The following ERAP2 variants were observed in gnomAD, a reference collection of about 807,000 sequenced individuals.
ERAP2 encodes the protein leukocyte-derived arginine aminopeptidase.
Under a neutral mutation model 111.1 loss-of-function variants are expected in ERAP2, and 118 were observed. That is an observed-to-expected ratio of 1.06 (90% CI 0.92 to 1.24). The LOEUF (loss-of-function observed/expected upper bound fraction) is 1.24. ERAP2 is among the 50% of genes most tolerant of loss of function. The probability of loss-of-function intolerance (pLI) is 0.00; values close to 1 mark genes in which losing one functional copy is unlikely to be tolerated. For missense variants in ERAP2, 1,131 were observed against 1,125.8 expected (o/e 1.00, Z -0.07); for synonymous variants, 410 against 401.2 (o/e 1.02, Z -0.26).
chr5:96,886,308 T>C (rs1783703322), intron 3 of ERAP2, among the ~76,000 whole-genome samples: 1 of 152,254 alleles, frequency 6.6e-6, no homozygotes, highest in Non-Finnish European at 1.5e-5. Context: ...GGTATTTTAC[T>C]TAAAAGCACA....
intron 5 of ERAP2, among the ~76,000 whole-genome samples, chr5:96,891,322 C>A (rs144496157): frequency 6.6e-6 from 1 of 150,740 alleles, no homozygotes; most frequent in African/African-American, 2.4e-5. Context: ...GTAAACCATG[C>A]GCATACATTT....
Position 96,915,675 on chromosome 5 carries a change from T to C in ERAP2, c.2658-13T>C, listed in dbSNP as rs761031717. 9.3e-6 allele frequency: 14 copies of C among 1,500,832 alleles called. No homozygotes were observed. In the African/African-American group the frequency reaches 1.4e-4, roughly 15 times the overall value. 93.0% of individuals were successfully genotyped at this position (1,500,832 alleles called of 1,614,324 possible). ...TTTCTATGACTTTCTATGGTGTTTC[T>C]TTTTATTTTCAGATTTGACTTGGGC... On this transcript the variant is annotated splice_polypyrimidine_tract_variant and intron_variant, in intron 17 of 18. Coordinates refer to ENST00000437043, the MANE Select transcript of ERAP2 (RefSeq NM_022350.5).
intron 13 of ERAP2, among the ~76,000 whole-genome samples, chr5:96,907,490 T>G (rs1318902287): frequency 1.3e-5 from 2 of 152,236 alleles, no homozygotes; most frequent in East Asian, 3.8e-4. Flanking sequence ...ATATCATTTC[T>G]GCCTATTGCT....
intron 7 of ERAP2, 109 bp from the exon 8 acceptor site, chr5:96,896,264 A>G (rs1036952579): frequency 1.2e-6 from 1 of 839,506 alleles, no homozygotes; most frequent in East Asian, 2.8e-5. Flanking sequence ...CCCAAGAAAT[A>G]TCGATTGAAA....
intron 11 of ERAP2, 55 bp downstream of exon 11, chr5:96,901,736 T>C: frequency 6.5e-7 from 1 of 1,550,296 alleles, no homozygotes; most frequent in Non-Finnish European, 8.8e-7. Flanking sequence ...TCCTCGTTAT[T>C]TCCTTAGCTT....
chr5:96,881,581 A>ATT, intron 2 of ERAP2: 1 of 436,640 alleles, frequency 2.3e-6, no homozygotes, highest in South Asian at 1.6e-5. Flanking sequence ...ACAGGGGCAT[A>ATT]TTTTTCTCAT....
chr5:96,880,477 G>T (rs1179578279), intron 2 of ERAP2, among the ~76,000 whole-genome samples: 2 of 152,186 alleles, frequency 1.3e-5, no homozygotes, highest in South Asian at 4.1e-4. Context: ...TGAATAACTA[G>T]GAGGAGAGGC....
At chr5:96,905,510 A>G (rs1785963255) in intron 13 of ERAP2, among the ~76,000 whole-genome samples, 1 of 152,228 alleles carries the variant, frequency 6.6e-6, no homozygotes, top group Non-Finnish European at 1.5e-5. Context: ...CATAATAGAT[A>G]AAAATAAATA....
chr5:96,892,577 TA>T, intron 6 of ERAP2, 124 bp downstream of exon 6: 1 of 1,102,916 alleles, frequency 9.1e-7, no homozygotes, highest in Non-Finnish European at 1.3e-6. Context: ...TAGAGACTAC[TA>T]AACCTAACAC....
intron 14 of ERAP2, 141 bp downstream of exon 14, chr5:96,909,258 T>C (rs1183178399): frequency 1.6e-5 from 12 of 766,162 alleles, no homozygotes; most frequent in South Asian, 3.6e-5. Context: ...TAATGGTCAA[T>C]GACCCTTGTT....
chr5:96,886,185 A>G (rs11135484), intron 3 of ERAP2, among the ~76,000 whole-genome samples: 83,440 of 151,930 alleles, frequency 0.55, 22,947 homozygotes, highest in Admixed American at 0.6. Context: ...TCACACCCAC[A>G]TAACAGGATT....
chr5:96,911,866 C>CAAAAAAAAAAAAAAA, intron 15 of ERAP2, among the ~76,000 whole-genome samples: 21 of 56,348 alleles, frequency 3.7e-4, no homozygotes, highest in South Asian at 7.3e-4. Context: ...GACCCTGTCT[C>CAAAAAAAAAAAAAAA]AAAAAAAAAA....
At chr5:96,895,173 T>A in intron 6 of ERAP2, 73 bp from the exon 7 acceptor site, 1 of 826,030 alleles carries the variant, frequency 1.2e-6, no homozygotes, top group African/African-American at 2.3e-5. Flanking sequence ...AGTTAGTAAC[T>A]ATTGTATTTT....
intron 12 of ERAP2, 150 bp from the exon 13 acceptor site, chr5:96,903,227 G>T: frequency 1.7e-6 from 1 of 580,886 alleles, no homozygotes. Flanking sequence ...AAATCATCCA[G>T]TGAACTACGA....
At position 96,918,151 on chromosome 5, in the gene ERAP2, C is replaced by T. The variant is rs963869657; in HGVS notation, c.*546C>T. The T allele has an allele frequency of 6.6e-6, 1 of 152,210 alleles. No individual in the cohort carries two copies. Among genetic ancestry groups the T allele is most frequent in the Non-Finnish European group, 1.5e-5 (1 of 68,052 alleles). 9.4% of individuals were successfully genotyped at this position (152,210 alleles called of 1,614,324 possible). The stretch of plus-strand genomic sequence containing the variant: ...TGGTGGGGGAAGGCCAGTTCAGTAT[C>T]CTATTTAAAAGTAAACTTCCTGAAT... On this transcript the variant is annotated 3_prime_UTR_variant, in exon 19 of 19. Transcript: ENST00000437043.
chr5:96,896,449 C>G lies in ERAP2; in HGVS notation c.1316C>G (p.Pro439Arg). 6.2e-7 allele frequency: 1 copy of G among 1,613,554 alleles called. No homozygotes were observed. The highest frequency in any genetic ancestry group is 8.5e-7 in the Non-Finnish European group (1 of 1,179,658). ...SLNSSRPISKPAETPTQIQEM... is the reference protein window; with the variant it reads ...SLNSSRPISKRAETPTQIQEM... ...AATTCATCCCGCCCTATCTCCAAAC[C>G]AGCGGAAACCCCGACTCAAATACAG... The change falls in exon 8 of 19, where the codon CCA (proline) becomes CGA (arginine). Residue 439 changes from proline (P) to arginine (R), a missense_variant. Pro to Arg is a moderately radical substitution (Grantham distance 103, BLOSUM62 -2). Transcript: ENST00000437043.
At position 96,919,642 on chromosome 5, in the gene ERAP2, GATA is replaced by G. The variant is rs1358950293; in HGVS notation, c.*2041_*2043del. Reference sequence around the variant, plus strand: ...GAAAGTAGCAATTTTATTATTTGATGATAATATGAGAATTACTGTGCCAATACT... The same window carrying G: ...GAAAGTAGCAATTTTATTATTTGATGATATGAGAATTACTGTGCCAATACT... On this transcript the variant is annotated 3_prime_UTR_variant, in exon 19 of 19. Coordinates refer to ENST00000437043, the MANE Select transcript of ERAP2 (RefSeq NM_022350.5). 9.9e-5 allele frequency: 15 copies of G among 152,068 alleles called. No individual in the cohort carries two copies. Among genetic ancestry groups the G allele is most frequent in the Admixed American group, 6.5e-4 (10 of 15,268 alleles). 9.4% of individuals were successfully genotyped at this position (152,068 alleles called of 1,614,324 possible).
rs752046082 is a variant in ERAP2 at position 96,879,886 on chromosome 5, AAGGCTCCCC to A, written c.204_212del (p.Arg68_Pro70del). The A allele has an allele frequency of 6.2e-7, 1 of 1,614,162 alleles. No homozygotes were observed. Among genetic ancestry groups the A allele is most frequent in the East Asian group, 2.2e-5 (1 of 44,882 alleles). On this transcript the variant is annotated inframe_deletion, in exon 2 of 19. Coordinates refer to ENST00000437043, the MANE Select transcript of ERAP2 (RefSeq NM_022350.5). ...GGGAACGATTTCCTTGGCAGGAGCT[AAGGCTCCCC>A]AGTGTGGTCATTCCTCTCCATTATG...
At chr5:96,896,156 A>C (rs930699320) in intron 7 of ERAP2, among the ~76,000 whole-genome samples, 1 of 152,128 alleles carries the variant, frequency 6.6e-6, no homozygotes, top group Non-Finnish European at 1.5e-5. Context: ...GCAATGTCTG[A>C]AGGAATATTG....
Sources: allele counts gnomAD v4.1 joint callset (sites outside exome capture counted in the v4.1 genomes callset), GRCh38; gene constraint gnomAD v4.1.1; transcripts MANE v1.5; gene names NCBI Gene and HGNC (gene_info 2026-07-23, HGNC 2026-07-21).